UNC79: variants seen among roughly 807,000 people sequenced by gnomAD.
UNC79 encodes the protein protein unc-79 homolog.
UNC79 carries 37 observed loss-of-function variants against 283.1 expected under a neutral mutation model. The observed-to-expected ratio is 0.13, with a 90% CI of 0.10 to 0.17. The LOEUF (loss-of-function observed/expected upper bound fraction) is 0.17. Among genes scored for constraint, UNC79 ranks in the 10% least tolerant of loss-of-function variants. The pLI is 1.00. For synonymous variants in UNC79, 1,107 were observed against 1,200.2 expected, an observed-to-expected ratio of 0.92 and a Z score of 1.61; for missense variants, 2,272 against 3,211.1, an observed-to-expected ratio of 0.71 and a Z score of 7.07.
intron 9 of UNC79, 121 bp downstream of exon 9, chr14:93,528,767 G>T: frequency 1.1e-6 from 1 of 936,638 alleles, no homozygotes; most frequent in South Asian, 1.7e-5. Context: ...GATTTTTAAA[G>T]GTTAATTATT....
At chr14:93,594,788 C>T (rs907282178) in intron 23 of UNC79, among the ~76,000 whole-genome samples, 3 of 152,024 alleles carry the variant, frequency 2.0e-5, no homozygotes, top group African/African-American at 7.2e-5. Flanking sequence ...GTTCCATTCT[C>T]GGGGTAGCAG....
intron 35 of UNC79, among the ~76,000 whole-genome samples, chr14:93,647,698 G>T (rs2069773363): frequency 6.6e-6 from 1 of 152,154 alleles, no homozygotes; most frequent in Non-Finnish European, 1.5e-5. Flanking sequence ...GATGCAGCAG[G>T]GAGTCATTGG....
chr14:93,428,471 G>A (rs2055777687), upstream of UNC79, among the ~76,000 whole-genome samples: 1 of 152,188 alleles, frequency 6.6e-6, no homozygotes, highest in Non-Finnish European at 1.5e-5. Context: ...AGAAGGAAAG[G>A]TGAGGGAGTT....
intron 48 of UNC79, among the ~76,000 whole-genome samples, chr14:93,706,501 G>A (rs1476332012): frequency 6.6e-6 from 1 of 152,118 alleles, no homozygotes; most frequent in African/African-American, 2.4e-5. Flanking sequence ...TCATTATTAT[G>A]ATGGGTTTGG....
chr14:93,582,062 G>C, intron 19 of UNC79, 141 bp from the exon 20 acceptor site: 1 of 1,186,996 alleles, frequency 8.4e-7, no homozygotes, highest in African/African-American at 1.5e-5. Context: ...GTCTTCTGGG[G>C]TGTGGTGCCT....
intron 1 of UNC79, among the ~76,000 whole-genome samples, chr14:93,401,702 C>G (rs2055110921): frequency 6.6e-6 from 1 of 152,196 alleles, no homozygotes; most frequent in African/African-American, 2.4e-5. Flanking sequence ...ATTCAGATAG[C>G]TATAGGTACA....
chr14:93,497,385 T>C (rs2059059428), intron 7 of UNC79, 99 bp downstream of exon 7: 1 of 1,402,046 alleles, frequency 7.1e-7, no homozygotes, highest in South Asian at 1.6e-5. Flanking sequence ...CTGGATTATA[T>C]TTTCTATGCC....
At chr14:93,519,626 C>CT (rs891793737) in intron 7 of UNC79, among the ~76,000 whole-genome samples, 2 of 151,328 alleles carry the variant, frequency 1.3e-5, no homozygotes, top group African/African-American at 2.4e-5. Flanking sequence ...CCATCTGTTC[C>CT]TTTTTTTTCT....
intron 1 of UNC79, among the ~76,000 whole-genome samples, chr14:93,345,391 A>G (rs900772560): frequency 2.6e-5 from 4 of 152,232 alleles, no homozygotes; most frequent in African/African-American, 9.6e-5. Context: ...AGATACTTGA[A>G]TAAAACTGGC....
intron 1 of UNC79, among the ~76,000 whole-genome samples, chr14:93,412,642 GGT>G (rs2055358841): frequency 6.6e-6 from 1 of 152,014 alleles, no homozygotes; most frequent in South Asian, 2.1e-4. Context: ...AAATCTTCTT[GGT>G]GTCTTACAAC....
chr14:93,628,561 C>T (rs571715649), intron 30 of UNC79, among the ~76,000 whole-genome samples: 74 of 152,264 alleles, frequency 4.9e-4, no homozygotes, highest in African/African-American at 1.6e-3. Context: ...CTGTCTCTCC[C>T]CTCCCAAATG....
intron 1 of UNC79, chr14:93,348,346 G>C (rs181405630): frequency 1.1e-4 from 52 of 479,802 alleles, no homozygotes; most frequent in Non-Finnish European, 1.7e-4. Flanking sequence ...ACACTTATTC[G>C]TGCTTGGTAA....
chr14:93,464,312 G>C (rs2057073346), intron 1 of UNC79, among the ~76,000 whole-genome samples: 4 of 152,186 alleles, frequency 2.6e-5, no homozygotes, highest in Admixed American at 2.6e-4. Context: ...GGCAGGTTTG[G>C]TTTCTCCTGA....
chr14:93,640,584 C>A (rs1566836508), intron 32 of UNC79, among the ~76,000 whole-genome samples: 1 of 152,152 alleles, frequency 6.6e-6, no homozygotes, highest in African/African-American at 2.4e-5. Context: ...GCTGTGCTCA[C>A]GCCACTGCAT....
At chr14:93,600,302 A>G (rs532626412) in intron 24 of UNC79, among the ~76,000 whole-genome samples, 1 of 152,358 alleles carries the variant, frequency 6.6e-6, no homozygotes, top group Non-Finnish European at 1.5e-5. Flanking sequence ...AACACATTAG[A>G]AAACCAATAG....
At chr14:93,704,523 C>A in intron 47 of UNC79, 102 bp from the exon 51 acceptor site, 2 of 1,342,368 alleles carry the variant, frequency 1.5e-6, no homozygotes, top group Non-Finnish European at 2.1e-6. Context: ...CCGTGCGCGA[C>A]GTGAAAGGGA....
chr14:93,572,830 A>G lies in UNC79; in HGVS notation c.2070+14A>G, dbSNP rs199719832. On this transcript the variant is annotated intron_variant, in intron 16 of 48. Transcript: ENST00000555664. ...CTGTGGCTTCATGTAAGTGAATAAT[A>G]CTTTCGATCATTTTAGGAAATAGTT... 358 of 1,611,944 alleles carry G rather than the reference A, an allele frequency of 2.2e-4. 4 individuals are homozygous for G. The South Asian group carries it at 3.2e-3, about 14-fold the overall frequency.
intron 27 of UNC79, among the ~76,000 whole-genome samples, chr14:93,616,589 T>G (rs777717873): frequency 6.6e-6 from 1 of 152,088 alleles, no homozygotes; most frequent in African/African-American, 2.4e-5. Context: ...GAGCATACTC[T>G]TGGGCTCAAG....
intron 12 of UNC79, among the ~76,000 whole-genome samples, chr14:93,539,036 G>A (rs1482055272): frequency 6.6e-6 from 1 of 150,962 alleles, no homozygotes; most frequent in African/African-American, 2.4e-5. Flanking sequence ...CTGAGTAGCT[G>A]GGATTACAGG....
Sources: allele counts gnomAD v4.1 joint callset (sites outside exome capture counted in the v4.1 genomes callset), GRCh38; gene constraint gnomAD v4.1.1; transcripts MANE v1.5; gene names NCBI Gene and HGNC (gene_info 2026-07-23, HGNC 2026-07-21).